Variants in TSKS observed in about 807,000 individuals in gnomAD.
The protein encoded by TSKS is testis-specific serine kinase substrate.
A neutral mutation model predicts 68.0 loss-of-function variants in TSKS; 27 were observed. The ratio of observed to expected loss-of-function variants is 0.40; its 90% CI spans 0.29 to 0.55. The LOEUF is 0.55. Ranked by LOEUF, TSKS falls within the 20% of genes least tolerant of loss-of-function variation. The probability of loss-of-function intolerance (pLI) is 0.53; values close to 1 mark genes in which losing one functional copy is unlikely to be tolerated. For synonymous variants in TSKS, 331 were observed against 340.4 expected, an observed-to-expected ratio of 0.97 and a Z score of 0.30; for missense variants, 806 against 776.0, an observed-to-expected ratio of 1.04 and a Z score of -0.46.
In TSKS at chr19:49,739,962, G is replaced by A. The variant is rs200749695; in HGVS notation, c.1623-30C>T. The A allele has an allele frequency of 1.4e-4, 229 of 1,607,392 alleles. 1 individual carries two copies. The highest frequency in any genetic ancestry group is 1.9e-4 in the Non-Finnish European group (218 of 1,174,906). On this transcript the variant is annotated intron_variant, in intron 10 of 10. Coordinates refer to ENST00000246801, the MANE Select transcript of TSKS (RefSeq NM_021733.2). Reference sequence around the variant, plus strand: ...CATGAGGCAGCGGGGAGTTGATGGCGGCATGGCTAGGTGCTGGGGTGTTGG... The same window carrying A: ...CATGAGGCAGCGGGGAGTTGATGGCAGCATGGCTAGGTGCTGGGGTGTTGG...
chr19:49,745,076 G>A (rs2084284682), intron 7 of TSKS, 126 bp downstream of exon 7: 1 of 915,980 alleles, frequency 1.1e-6, no homozygotes. Context: ...GTTTCCCGAT[G>A]TCGGTATATG....
chr19:49,747,118 G>A, intron 5 of TSKS: 1 of 1,507,880 alleles, frequency 6.6e-7, no homozygotes, highest in South Asian at 1.2e-5. Flanking sequence ...GAAAATGAGT[G>A]GGCATGTGGA....
At position 49,746,727 on chromosome 19, in the gene TSKS, C is replaced by T. The variant is rs770081526; in HGVS notation, c.735G>A (p.Glu245=). The change falls in exon 6 of 11, where the codon GAG becomes GAA. Residue 245 remains glutamate (E), a synonymous_variant. Coordinates refer to ENST00000246801, the MANE Select transcript of TSKS (RefSeq NM_021733.2). ...CCTCCGGCTCCTGCTTCTCCTCCGG[C>T]TCCTGCAGCTCGGCCTCCTGCCGTC... ...TPRRQEAELQ[E]PEEKQEPEEK... 1 of 1,602,144 alleles carries T rather than the reference C, an allele frequency of 6.2e-7. No individual in the cohort carries two copies. Among genetic ancestry groups the T allele is most frequent in the Non-Finnish European group, 8.5e-7 (1 of 1,179,256 alleles).
At chr19:49,753,906 A>G (rs2123621217) in intron 2 of TSKS, among the ~76,000 whole-genome samples, 1 of 148,120 alleles carries the variant, frequency 6.8e-6, no homozygotes, top group South Asian at 2.1e-4. Flanking sequence ...TTTTTTTGAG[A>G]CAGAGTCTCC....
chr19:49,763,275 G>A lies in TSKS; in HGVS notation c.-28C>T. On this transcript the variant is annotated 5_prime_UTR_variant, in exon 1 of 11. Coordinates refer to ENST00000246801, the MANE Select transcript of TSKS (RefSeq NM_021733.2). This position sits in a 1 kb window ranked among gnomAD's most constrained non-coding sequence, Gnocchi z 4.5. ...TGTGGGGGTCTGGCTCCCAGGGAGG[G>A]GCTCCTTCCTCTGAGACTTCCTACC... The A allele has an allele frequency of 6.8e-7, 1 of 1,471,170 alleles. No homozygotes were observed. Among genetic ancestry groups the A allele is most frequent in the Non-Finnish European group, 9.0e-7 (1 of 1,114,936 alleles). The allele number at this position is 1,471,170 out of a possible 1,614,324, so 91.1% of individuals were successfully genotyped here. A position where few individuals can be genotyped will look rare whatever the true frequency, so the allele number is the denominator to read the frequency against.
Position 49,747,454 on chromosome 19 carries a change from T to A in TSKS, c.598A>T (p.Thr200Ser). The A allele has an allele frequency of 6.2e-7, 1 of 1,614,156 alleles. No individual in the cohort carries two copies. The highest frequency in any genetic ancestry group is 8.5e-7 in the Non-Finnish European group (1 of 1,180,032). ...ATTTCAGCATCTTCCACAGACCGGGTCACCTTCCAGCAGTTCTCCTGGGTC... is the reference window on the plus strand; with the variant it reads ...ATTTCAGCATCTTCCACAGACCGGGACACCTTCCAGCAGTTCTCCTGGGTC... Reference protein sequence around the residue: ...IQLKENCWKVTRSVEDAEIKT... With the variant: ...IQLKENCWKVSRSVEDAEIKT... Residue 200 changes from threonine to serine, a missense_variant, in exon 5 of 11, where the codon ACC (threonine) becomes TCC (serine). Physicochemically the swap from Thr to Ser is moderately conservative, Grantham distance 58. Coordinates refer to ENST00000246801, the MANE Select transcript of TSKS (RefSeq NM_021733.2).
intron 2 of TSKS, among the ~76,000 whole-genome samples, chr19:49,749,626 G>T (rs1464854439): frequency 1.3e-5 from 2 of 152,026 alleles, no homozygotes; most frequent in African/African-American, 4.8e-5. Context: ...ATTTTTGGGG[G>T]AGGTGTGTGT....
chr19:49,762,952 C>T (rs2084456126), intron 1 of TSKS, 126 bp downstream of exon 1: 1 of 1,281,994 alleles, frequency 7.8e-7, no homozygotes, highest in African/African-American at 1.5e-5. Flanking sequence ...CTGCTGCCCT[C>T]TTTCCTGCCC....
Position 49,744,472 on chromosome 19 carries a change from C to A in TSKS, c.1188-68G>T. 3 of 1,519,790 alleles carry A rather than the reference C, an allele frequency of 2.0e-6. No homozygotes were observed. The South Asian group carries it at 3.6e-5, about 18-fold the overall frequency. The allele number at this position is 1,519,790 out of a possible 1,614,324, so 94.1% of individuals were successfully genotyped here. ...GGTATAACCCTGGCAAGACTCCACCCATTATTAGCCCACCACTTGCGTCTC... is the reference window on the plus strand; with the variant it reads ...GGTATAACCCTGGCAAGACTCCACCAATTATTAGCCCACCACTTGCGTCTC... On this transcript the variant is annotated intron_variant, in intron 7 of 10. Transcript: ENST00000246801.
Position 49,744,217 on chromosome 19 carries a change from C to CCCAG in TSKS, c.1361+10_1361+13dup, listed in dbSNP as rs766334016. 1.6e-5 allele frequency: 26 copies of CCCAG among 1,607,436 alleles called. No homozygotes were observed. Among genetic ancestry groups the CCCAG allele is most frequent in the Non-Finnish European group, 3.4e-6 (4 of 1,174,576 alleles). On this transcript the variant is annotated intron_variant, in intron 8 of 10. Coordinates refer to ENST00000246801, the MANE Select transcript of TSKS (RefSeq NM_021733.2). ...TATCCACAAGGCTCCCAGAGGCAAG[C>CCCAG]CCAGCCCCGTTACCTGGCACAGCGG...
Position 49,745,324 on chromosome 19 carries a change from G to A in TSKS, c.1065C>T (p.Leu355=), listed in dbSNP as rs779063692. The change falls in exon 7 of 11, where the codon CTC becomes CTT. Residue 355 remains leucine, a synonymous_variant. Coordinates refer to ENST00000246801, the MANE Select transcript of TSKS (RefSeq NM_021733.2). ...CGTCGACCCTGCCGCCCAGGCCCCCGAGCAGCCGCAGGGCTTCCTGCACCG... is the reference window on the plus strand; with the variant it reads ...CGTCGACCCTGCCGCCCAGGCCCCCAAGCAGCCGCAGGGCTTCCTGCACCG... ...EGAVQEALRL[L]GGLGGRVDGF... 19 of 1,602,092 alleles carry A rather than the reference G, an allele frequency of 1.2e-5. No individual in the cohort carries two copies. The highest frequency in any genetic ancestry group is 1.1e-4 in the African/African-American group (8 of 74,848).
chr19:49,757,304 C>T (rs1288410544), intron 2 of TSKS, among the ~76,000 whole-genome samples: 1 of 152,170 alleles, frequency 6.6e-6, no homozygotes, highest in African/African-American at 2.4e-5. Context: ...GCAGCCCCAG[C>T]CAAAATCTTG....
chr19:49,748,986 C>T (rs1238268775), intron 2 of TSKS, among the ~76,000 whole-genome samples: 7 of 151,998 alleles, frequency 4.6e-5, no homozygotes, highest in African/African-American at 1.7e-4. Flanking sequence ...TTGCTTGAAC[C>T]TGGGAAGCAG....
At position 49,746,499 on chromosome 19, in the gene TSKS, C is replaced by G. The variant is rs368882276; in HGVS notation, c.963G>C (p.Gln321His). Residue 321 changes from glutamine to histidine, a missense_variant, in exon 6 of 11, where the codon CAG (glutamine) becomes CAC (histidine). By Grantham distance (24) the Gln-to-His change is conservative. Coordinates refer to ENST00000246801, the MANE Select transcript of TSKS (RefSeq NM_021733.2). The part of the protein sequence containing the change: ...EGPYVSEQEL[Q>H]KLFTGIEELR... ...GCTCTTCGATGCCGGTGAACAGCTT[C>G]TGCAATTCCTGCTCGCTCACGTAGG... is the stretch of plus-strand genomic sequence containing the variant. The G allele has an allele frequency of 3.1e-6, 5 of 1,613,980 alleles. No individual in the cohort carries two copies.
intron 2 of TSKS, among the ~76,000 whole-genome samples, chr19:49,753,234 T>C (rs1475664781): frequency 6.6e-6 from 1 of 152,132 alleles, no homozygotes; most frequent in Non-Finnish European, 1.5e-5. Flanking sequence ...AAGACCAGCC[T>C]GAGCAACATA....
chr19:49,740,438 T>TA (rs2084242888), intron 9 of TSKS: 1 of 494,024 alleles, frequency 2.0e-6, no homozygotes, highest in South Asian at 2.9e-5. Flanking sequence ...CAGCAAGCAC[T>TA]AAATCAGTGC....
In TSKS at chr19:49,762,141, C is replaced by T; in HGVS notation, c.262G>A (p.Ala88Thr). ...ACTNVSLLNLAAMEPTDSTGT... is the reference protein window; with the variant it reads ...ACTNVSLLNLTAMEPTDSTGT... The stretch of plus-strand genomic sequence containing the variant: ...GTGGAGTCAGTGGGCTCCATGGCGG[C>T]CAGGTTGAGCAGTGACACGTTGGTG... The change falls in exon 2 of 11, where the codon GCC (alanine) becomes ACC (threonine). Residue 88 changes from alanine to threonine, a missense_variant. By Grantham distance (58) the Ala-to-Thr change is moderately conservative. Coordinates refer to ENST00000246801, the MANE Select transcript of TSKS (RefSeq NM_021733.2). The T allele has an allele frequency of 6.2e-7, 1 of 1,614,108 alleles. No homozygotes were observed. Among genetic ancestry groups the T allele is most frequent in the East Asian group, 2.2e-5 (1 of 44,868 alleles).
rs771170019 is a variant in TSKS at position 49,739,851 on chromosome 19, C to T, written c.1704G>A (p.Gly568=). ...HDHLSNLPLE[G]STGTMGGGSS... ...TGCCTCCCCCCATTGTTCCCGTGGA[C>T]CCCTCAAGTGGCAGGTTGCTGAGAT... Residue 568 remains glycine (G), a synonymous_variant, in exon 11 of 11, where the codon GGG becomes GGA. Transcript: ENST00000246801. 1 of 1,614,032 alleles carries T rather than the reference C, an allele frequency of 6.2e-7. No homozygotes were observed. Among genetic ancestry groups the T allele is most frequent in the South Asian group, 1.1e-5 (1 of 91,080 alleles).
intron 2 of TSKS, among the ~76,000 whole-genome samples, chr19:49,753,802 A>G (rs1208391718): frequency 6.6e-6 from 1 of 151,298 alleles, no homozygotes; most frequent in Non-Finnish European, 1.5e-5. Context: ...AAAAGCAACT[A>G]TAACAAGCAA....
Sources: allele counts gnomAD v4.1 joint callset (sites outside exome capture counted in the v4.1 genomes callset), GRCh38; gene constraint gnomAD v4.1.1; non-coding constraint Gnocchi (gnomAD v3.1); transcripts MANE v1.5; gene names NCBI Gene and HGNC (gene_info 2026-07-23, HGNC 2026-07-21).